Variants in PRDM16 observed in about 807,000 individuals in gnomAD.
PRDM16 encodes the protein PR/SET domain 16, also known as histone-lysine N-methyltransferase PRDM16.
A neutral mutation model predicts 110.6 loss-of-function variants in PRDM16; 23 were observed. That is an observed-to-expected ratio of 0.21 (90% CI 0.15 to 0.29). The LOEUF (loss-of-function observed/expected upper bound fraction) is 0.29. PRDM16 is among the 10% of genes least tolerant of loss of function. PRDM16 has a pLI of 1.00. For missense variants in PRDM16, 1,615 were observed against 1,794.3 expected, an observed-to-expected ratio of 0.90 and a Z score of 1.81; for synonymous variants, 799 against 781.8, an observed-to-expected ratio of 1.02 and a Z score of -0.37.
intron 3 of PRDM16, among the ~76,000 whole-genome samples, chr1:3,296,939 A>G (rs549057608): frequency 1.9e-4 from 29 of 152,220 alleles, no homozygotes; most frequent in Non-Finnish European, 4.0e-4. Context: ...AGACACTCAT[A>G]TCAGCCTACA....
chr1:3,365,337 G>A (rs771224700), intron 3 of PRDM16, among the ~76,000 whole-genome samples: 2 of 152,216 alleles, frequency 1.3e-5, no homozygotes, highest in African/African-American at 4.8e-5. Flanking sequence ...CCCACCCCTG[G>A]GCTGGGGGCT....
At chr1:3,167,541 C>A (rs1306792223) in intron 1 of PRDM16, among the ~76,000 whole-genome samples, 2 of 151,992 alleles carry the variant, frequency 1.3e-5, no homozygotes, top group South Asian at 2.1e-4. Context: ...GGAGCCTCCT[C>A]CCAGCGCCTC....
At chr1:3,247,177 A>C (rs551229509) in intron 3 of PRDM16, among the ~76,000 whole-genome samples, 1 of 151,624 alleles carries the variant, frequency 6.6e-6, no homozygotes, top group Admixed American at 6.6e-5. Flanking sequence ...TGGGTGGGCA[A>C]CTCCTGTGTC....
At chr1:3,199,989 C>G (rs550913816) in intron 2 of PRDM16, among the ~76,000 whole-genome samples, 1 of 152,384 alleles carries the variant, frequency 6.6e-6, no homozygotes, top group East Asian at 1.9e-4. Flanking sequence ...ACAGGCCTCC[C>G]AGGGTCTTGC....
intron 2 of PRDM16, among the ~76,000 whole-genome samples, chr1:3,227,608 G>A (rs1162013913): frequency 3.3e-5 from 5 of 152,244 alleles, no homozygotes; most frequent in Admixed American, 2.6e-4. Context: ...GGACCCGTGG[G>A]CCCCAAATCA....
intron 2 of PRDM16, among the ~76,000 whole-genome samples, chr1:3,229,605 C>T (rs771896420): frequency 4.6e-5 from 7 of 152,320 alleles, no homozygotes; most frequent in African/African-American, 9.6e-5. Context: ...AGAATCGGAT[C>T]GGATCCCAGT....
At chr1:3,253,472 C>G (rs61759186) in intron 3 of PRDM16, among the ~76,000 whole-genome samples, 1 of 150,120 alleles carries the variant, frequency 6.7e-6, no homozygotes, top group Admixed American at 6.7e-5. Flanking sequence ...GGTTTTTTGT[C>G]CTTGCGATAG....
intron 1 of PRDM16, among the ~76,000 whole-genome samples, chr1:3,168,378 T>C (rs569351278): frequency 2.9e-4 from 42 of 143,170 alleles, no homozygotes; most frequent in African/African-American, 1.1e-3. Flanking sequence ...CCTGGTTTTC[T>C]GGAACCCCTG....
At chr1:3,426,949 A>G (rs1638625811) in intron 14 of PRDM16, among the ~76,000 whole-genome samples, 1 of 152,176 alleles carries the variant, frequency 6.6e-6, no homozygotes, top group South Asian at 2.1e-4. Context: ...ACACGTGTAC[A>G]TAACATGTGC....
chr1:3,229,517 A>G (rs989592484), intron 2 of PRDM16, among the ~76,000 whole-genome samples: 1 of 152,210 alleles, frequency 6.6e-6, no homozygotes, highest in East Asian at 1.9e-4. Context: ...GCTGAGAATC[A>G]AAGCGCCACC....
In PRDM16 at chr1:3,208,802, G is replaced by A. The variant is rs1266797697; in HGVS notation, c.387+22328G>A. The A allele has an allele frequency of 6.6e-6, 1 of 152,334 alleles. No homozygotes were observed. The highest frequency in any genetic ancestry group is 2.4e-5 in the African/African-American group (1 of 41,472). 9.4% of individuals were successfully genotyped at this position (152,334 alleles called of 1,614,324 possible). The stretch of plus-strand genomic sequence containing the variant: ...TATGGGCCACCATCCCCTTTGTGGG[G>A]TTTGTCCTTTGGAACCATCTCCACC... On this transcript the variant is annotated intron_variant, in intron 2 of 16. Transcript: ENST00000270722. This position sits in a 1 kb window ranked among gnomAD's most constrained non-coding sequence, Gnocchi z 6.1.
intron 1 of PRDM16, among the ~76,000 whole-genome samples, chr1:3,095,044 G>A (rs554673761): frequency 6.2e-4 from 95 of 152,362 alleles, no homozygotes; most frequent in Admixed American, 6.0e-3. Flanking sequence ...CCTACTCCCC[G>A]GTTGGGGAGA....
In PRDM16 at chr1:3,080,727, C is replaced by T. The variant is rs1057366899; in HGVS notation, c.37+11431C>T. On this transcript the variant is annotated intron_variant, in intron 1 of 16. Coordinates refer to ENST00000270722, the MANE Select transcript of PRDM16 (RefSeq NM_022114.4). This position sits in a 1 kb window ranked among gnomAD's most constrained non-coding sequence, Gnocchi z 5.2. Reference sequence around the variant, plus strand: ...TCCCCCTCGGACCGGGCAACTGCTCCTGGATTTCTGTTCCGAGGAACATGT... The same window carrying T: ...TCCCCCTCGGACCGGGCAACTGCTCTTGGATTTCTGTTCCGAGGAACATGT... Among the ~76,000 whole-genome samples, 12 of 152,184 alleles carry T rather than the reference C, an allele frequency of 7.9e-5. No individual in the cohort carries two copies. The highest frequency in any genetic ancestry group is 5.2e-4 in the Admixed American group (8 of 15,280).
intron 1 of PRDM16, among the ~76,000 whole-genome samples, chr1:3,137,767 C>T (rs2100695463): frequency 6.6e-6 from 1 of 152,368 alleles, no homozygotes; most frequent in East Asian, 1.9e-4. Flanking sequence ...TTCTAATCCT[C>T]CTGCACAGGA....
rs1641684915 is a variant in PRDM16 at position 3,069,380 on chromosome 1, G to T, written c.37+84G>T. Reference sequence around the variant, plus strand: ...CGCCCGGGCCAGGGGTGCGCGTCGGGGCGCGGCCGGCGCGCCTGCGGCTCC... The same window carrying T: ...CGCCCGGGCCAGGGGTGCGCGTCGGTGCGCGGCCGGCGCGCCTGCGGCTCC... On this transcript the variant is annotated intron_variant, in intron 1 of 16. Coordinates refer to ENST00000270722, the MANE Select transcript of PRDM16 (RefSeq NM_022114.4). The surrounding 1 kb of genome is among the most constrained non-coding windows in gnomAD (Gnocchi z 6.1). The T allele has an allele frequency of 2.8e-6, 1 of 363,298 alleles. No homozygotes were observed. Among genetic ancestry groups the T allele is most frequent in the South Asian group, 1.1e-4 (1 of 9,078 alleles). The allele number at this position is 363,298 out of a possible 1,614,324, so 22.5% of individuals were successfully genotyped here.
rs1642670239 is a variant in PRDM16, at chr1:3,359,345, A to T, written c.439-25807A>T. Among the ~76,000 whole-genome samples the T allele has an allele frequency of 6.6e-6, 1 of 152,142 alleles. No homozygotes were observed. Among genetic ancestry groups the T allele is most frequent in the Admixed American group, 6.5e-5 (1 of 15,288 alleles). ...GTCCTGGATGTCAATGTCCATGAAA[A>T]CAGCCTCAGAACTATCAGGGTCTCC... is the stretch of plus-strand genomic sequence containing the variant. On this transcript the variant is annotated intron_variant, in intron 3 of 16. Transcript: ENST00000270722. The surrounding 1 kb of genome is among the most constrained non-coding windows in gnomAD (Gnocchi z 4.3).
intron 12 of PRDM16, chr1:3,424,974 G>C (rs529724916): frequency 6.5e-6 from 1 of 152,680 alleles, no homozygotes; most frequent in East Asian, 1.9e-4. Context: ...GGCAGGAGAC[G>C]CCGGAGGGTC....
intron 2 of PRDM16, among the ~76,000 whole-genome samples, chr1:3,189,846 A>G (rs552008148): frequency 2.6e-5 from 4 of 152,302 alleles, no homozygotes; most frequent in African/African-American, 9.6e-5. Context: ...CTCTTGAAGG[A>G]TAGGTTTGAA....
At chr1:3,071,918 TC>T (rs1191994934) in intron 1 of PRDM16, among the ~76,000 whole-genome samples, 6 of 152,334 alleles carry the variant, frequency 3.9e-5, no homozygotes, top group African/African-American at 1.4e-4. Flanking sequence ...AAGCCTCAGT[TC>T]AGGTGGGTTA....
Sources: allele counts gnomAD v4.1 joint callset (sites outside exome capture counted in the v4.1 genomes callset), GRCh38; gene constraint gnomAD v4.1.1; non-coding constraint Gnocchi (gnomAD v3.1); transcripts MANE v1.5; gene names NCBI Gene and HGNC (gene_info 2026-07-23, HGNC 2026-07-21).